Variants in RBM18 observed in about 807,000 individuals in gnomAD.
RBM18 encodes the protein RNA binding motif protein 18.
In RBM18, 18 loss-of-function variants were observed where a neutral mutation model predicts 26.4. The ratio of observed to expected loss-of-function variants is 0.68; its 90% confidence interval spans 0.47 to 1.01. The LOEUF is 1.01. Among genes scored for constraint, RBM18 ranks in the 50% least tolerant of loss-of-function variants. The probability of loss-of-function intolerance (pLI) is 0.00; values close to 1 mark genes in which losing one functional copy is unlikely to be tolerated. For synonymous variants in RBM18, 74 were observed against 81.1 expected, an observed-to-expected ratio of 0.91 and a Z score of 0.47; for missense variants, 180 against 219.2, an observed-to-expected ratio of 0.82 and a Z score of 1.13.
intron 2 of RBM18, among the ~76,000 whole-genome samples, chr9:122,253,516 A>G (rs1245784443): frequency 6.6e-6 from 1 of 152,136 alleles, no homozygotes; most frequent in Non-Finnish European, 1.5e-5. Context: ...TTCAGGGGAA[A>G]CGAAGACACC....
At chr9:122,254,023 G>A (rs1223633004) in intron 2 of RBM18, among the ~76,000 whole-genome samples, 10 of 142,674 alleles carry the variant, frequency 7.0e-5, no homozygotes, top group Middle Eastern at 3.6e-3. Context: ...GCAAGATTCC[G>A]TCTCAAAAAA....
intron 5 of RBM18, among the ~76,000 whole-genome samples, chr9:122,244,387 AC>A (rs985670610): frequency 1.3e-5 from 2 of 152,150 alleles, no homozygotes; most frequent in African/African-American, 4.8e-5. Context: ...CTTATGTATC[AC>A]TGATGCTCCT....
In RBM18 at chr9:122,251,941, C is replaced by T; in HGVS notation, c.146G>A (p.Gly49Asp). The T allele has an allele frequency of 6.2e-7, 1 of 1,614,104 alleles. No individual in the cohort carries two copies. The highest frequency in any genetic ancestry group is 8.5e-7 in the Non-Finnish European group (1 of 1,179,984). ...GAGGAAGTCAAACTGCTTTACCTTG[C>T]CAAACTTCTGGAGGAGCTTGAGGAG... ...YHLLKLLQKFGKVKQFDFLFH... is the reference protein window; with the variant it reads ...YHLLKLLQKFDKVKQFDFLFH... The change falls in exon 3 of 6, where the codon GGC becomes GAC. Residue 49 changes from glycine to aspartate, a missense_variant. Transcript: ENST00000417201.
Position 122,256,182 on chromosome 9 carries a change from C to G in RBM18, c.114-4209G>C, listed in dbSNP as rs1831695732. ...TGAATTTTAAAGACCCTGTCTTAAC[C>G]TGAGAGTATTCTATCTATGCAGCCA... On this transcript the variant is annotated intron_variant, in intron 2 of 5. Transcript: ENST00000417201. Among the ~76,000 whole-genome samples, 3 of 152,206 alleles carry G rather than the reference C, an allele frequency of 2.0e-5. No individual in the cohort carries two copies. The South Asian group carries it at 6.2e-4, about 31-fold the overall frequency.
chr9:122,262,845 A>C (rs1440070315), intron 1 of RBM18, among the ~76,000 whole-genome samples: 1 of 152,194 alleles, frequency 6.6e-6, no homozygotes, highest in African/African-American at 2.4e-5. Flanking sequence ...TCGGCCTCTC[A>C]AAGTGCTGGG....
At chr9:122,250,208 G>A (rs1249640939) in intron 3 of RBM18, among the ~76,000 whole-genome samples, 1 of 152,000 alleles carries the variant, frequency 6.6e-6, no homozygotes, top group African/African-American at 2.4e-5. Flanking sequence ...AAAATACCCA[G>A]CACTGGCAAG....
intron 2 of RBM18, among the ~76,000 whole-genome samples, chr9:122,256,368 C>A (rs913570268): frequency 6.6e-6 from 1 of 152,166 alleles, no homozygotes; most frequent in Admixed American, 6.5e-5. Flanking sequence ...TTTCTATGGG[C>A]TTTGTTCTCT....
At chr9:122,249,165 T>C (rs1468331379) in intron 3 of RBM18, among the ~76,000 whole-genome samples, 2 of 152,184 alleles carry the variant, frequency 1.3e-5, no homozygotes, top group African/African-American at 4.8e-5. Flanking sequence ...TCAAAGTTCA[T>C]ATATTTAAAA....
intron 5 of RBM18, among the ~76,000 whole-genome samples, chr9:122,243,271 C>T (rs754712947): frequency 6.6e-6 from 1 of 152,148 alleles, no homozygotes; most frequent in Non-Finnish European, 1.5e-5. Context: ...TGCACTCGAC[C>T]TACTTATAAT....
intron 2 of RBM18, among the ~76,000 whole-genome samples, chr9:122,259,721 C>T (rs1472859785): frequency 6.6e-6 from 1 of 152,084 alleles, no homozygotes; most frequent in African/African-American, 2.4e-5. Flanking sequence ...TCATCTCCTC[C>T]CTTCACCTTT....
At chr9:122,242,818 C>G (rs1462988657) in intron 5 of RBM18, among the ~76,000 whole-genome samples, 1 of 151,982 alleles carries the variant, frequency 6.6e-6, no homozygotes, top group East Asian at 1.9e-4. Flanking sequence ...CCACCACATC[C>G]ATCTGAATTT....
intron 2 of RBM18, among the ~76,000 whole-genome samples, chr9:122,256,006 G>C (rs973539722): frequency 3.9e-5 from 6 of 151,926 alleles, no homozygotes; most frequent in Non-Finnish European, 7.4e-5. Flanking sequence ...ACCCCAGCCT[G>C]GGCAACAGAG....
At position 122,239,032 on chromosome 9, in the gene RBM18, C is replaced by T. The variant is rs761148132; in HGVS notation, c.*2852G>A. 1.3e-5 allele frequency: 2 copies of T among 152,112 alleles called. No individual in the cohort carries two copies. Among genetic ancestry groups the T allele is most frequent in the African/African-American group, 2.4e-5 (1 of 41,414 alleles). The allele number at this position is 152,112 out of a possible 1,614,324, so 9.4% of individuals were successfully genotyped here. The stretch of plus-strand genomic sequence containing the variant: ...ATCATATTTTAGGAACAAATGATTA[C>T]ATATAGGAAATGTTTGACATTTAAT... On this transcript the variant is annotated 3_prime_UTR_variant, in exon 6 of 6. Coordinates refer to ENST00000417201, the MANE Select transcript of RBM18 (RefSeq NM_033117.4).
intron 2 of RBM18, 117 bp from the exon 3 acceptor site, chr9:122,252,090 C>G (rs1287761704): frequency 3.0e-6 from 4 of 1,342,426 alleles, no homozygotes; most frequent in South Asian, 1.4e-5. Context: ...CTCGCCCCAG[C>G]CCCCTGCCTT....
intron 3 of RBM18, 71 bp from the exon 4 acceptor site, chr9:122,247,675 C>G: frequency 8.7e-7 from 1 of 1,146,988 alleles, no homozygotes; most frequent in African/African-American, 1.5e-5. Context: ...TCTCACAGGG[C>G]TTCACTAGCT....
rs1186203814 is a variant in RBM18, at chr9:122,240,357, T to C, written c.*1527A>G. The C allele has an allele frequency of 2.0e-5, 3 of 152,200 alleles. No individual in the cohort carries two copies. Among genetic ancestry groups the C allele is most frequent in the African/African-American group, 7.2e-5 (3 of 41,450 alleles). 9.4% of individuals were successfully genotyped at this position (152,200 alleles called of 1,614,324 possible). A position where few individuals can be genotyped will look rare whatever the true frequency, so the allele number is the denominator to read the frequency against. On this transcript the variant is annotated 3_prime_UTR_variant, in exon 6 of 6. Transcript: ENST00000417201. ...TAATACATACAGAAAGTATTTGATG[T>C]CTAGAGATATTTAAAAAGATTAACC...
chr9:122,263,817 T>C (rs1418887910), intron 1 of RBM18, among the ~76,000 whole-genome samples: 2 of 152,212 alleles, frequency 1.3e-5, no homozygotes, highest in African/African-American at 4.8e-5. Flanking sequence ...GTACCATGTT[T>C]TACTGGTAAG....
chr9:122,262,379 C>T (rs1372154951), intron 1 of RBM18, among the ~76,000 whole-genome samples: 1 of 152,056 alleles, frequency 6.6e-6, no homozygotes, highest in African/African-American at 2.4e-5. Context: ...TGAGTTAATA[C>T]ACCTAGAGCA....
At position 122,241,800 on chromosome 9, in the gene RBM18, C is replaced by T; in HGVS notation, c.*84G>A. Reference sequence around the variant, plus strand: ...TGTGATTGTGCTCCGTTGAATAGTACCATTCACATCTACAAAGTACACAGG... The same window carrying T: ...TGTGATTGTGCTCCGTTGAATAGTATCATTCACATCTACAAAGTACACAGG... On this transcript the variant is annotated 3_prime_UTR_variant, in exon 6 of 6. Coordinates refer to ENST00000417201, the MANE Select transcript of RBM18 (RefSeq NM_033117.4). 1.7e-6 allele frequency: 2 copies of T among 1,144,168 alleles called. No individual in the cohort carries two copies. Among genetic ancestry groups the T allele is most frequent in the East Asian group, 2.4e-5 (1 of 42,426 alleles). The allele number at this position is 1,144,168 out of a possible 1,614,324, so 70.9% of individuals were successfully genotyped here.
Sources: gnomAD v4.1 joint callset for allele counts (sites outside exome capture counted in the v4.1 genomes callset) on GRCh38, gnomAD v4.1.1 for gene constraint, MANE v1.5 for transcripts, NCBI Gene and HGNC (gene_info 2026-07-23, HGNC 2026-07-21) for gene names.